Variants in TANC2 observed in about 807,000 individuals in gnomAD.
TANC2 encodes tetratricopeptide repeat, ankyrin repeat and coiled-coil containing 2, also known as protein TANC2.
Under a neutral mutation model 210.5 loss-of-function variants are expected in TANC2, and 26 were observed. That is an observed-to-expected ratio of 0.12 (90% CI 0.09 to 0.17). The LOEUF (loss-of-function observed/expected upper bound fraction) is 0.17, where lower values mean the gene tolerates loss of function less well. Ranked by LOEUF, TANC2 falls within the 10% of genes least tolerant of loss-of-function variation. The probability of loss-of-function intolerance (pLI) is 1.00; values close to 1 mark genes in which losing one functional copy is unlikely to be tolerated. For synonymous variants in TANC2, 931 were observed against 967.1 expected, an observed-to-expected ratio of 0.96 and a Z score of 0.69; for missense variants, 2,129 against 2,608.9, an observed-to-expected ratio of 0.82 and a Z score of 4.01.
At chr17:63,200,740 A>G in intron 6 of TANC2, 31 bp from the exon 7 acceptor site, 2 of 1,588,514 alleles carry the variant, frequency 1.3e-6, no homozygotes, top group Non-Finnish European at 8.6e-7. Flanking sequence ...TGATCAGGTT[A>G]TCTTACTTAT....
At chr17:63,098,818 TGGCTTGCTA>T in intron 3 of TANC2, among the ~76,000 whole-genome samples, 1 of 151,962 alleles carries the variant, frequency 6.6e-6, no homozygotes, top group Non-Finnish European at 1.5e-5. Context: ...TTGCACACGA[TGGCTTGCTA>T]AGCAGATAAA....
At chr17:63,237,718 G>C (rs183984953) in intron 7 of TANC2, 96 bp from the exon 8 acceptor site, 1 of 1,298,394 alleles carries the variant, frequency 7.7e-7, no homozygotes, top group East Asian at 2.5e-5. Context: ...TGAAAATGGT[G>C]TCCTTTCCCC....
chr17:63,356,884 G>A (rs1042838173), intron 14 of TANC2, among the ~76,000 whole-genome samples: 1 of 152,034 alleles, frequency 6.6e-6, no homozygotes, highest in African/African-American at 2.4e-5. Flanking sequence ...AAACACTTGG[G>A]GTATGTTCTT....
intron 3 of TANC2, among the ~76,000 whole-genome samples, chr17:63,074,279 C>A (rs977034810): frequency 1.3e-5 from 2 of 151,956 alleles, no homozygotes; most frequent in African/African-American, 4.8e-5. Context: ...CTGGATATCA[C>A]TTTTGGAATG....
intron 4 of TANC2, among the ~76,000 whole-genome samples, chr17:63,121,450 G>T (rs1042715310): frequency 1.3e-5 from 2 of 151,818 alleles, no homozygotes; most frequent in African/African-American, 4.8e-5. Flanking sequence ...CCTCTCCATT[G>T]GCCTACATCA....
chr17:63,282,202 T>C (rs764232932), intron 9 of TANC2, among the ~76,000 whole-genome samples: 1 of 151,932 alleles, frequency 6.6e-6, no homozygotes, highest in Non-Finnish European at 1.5e-5. Flanking sequence ...ATAAAATTTA[T>C]GAACCCCATA....
chr17:63,208,757 TG>T (rs1598610600), intron 7 of TANC2, among the ~76,000 whole-genome samples: 1 of 152,140 alleles, frequency 6.6e-6, no homozygotes, highest in East Asian at 1.9e-4. Flanking sequence ...TTTTCCTAGA[TG>T]CTTTATATTT....
intron 7 of TANC2, among the ~76,000 whole-genome samples, chr17:63,212,395 G>A (rs1002144668): frequency 6.6e-6 from 1 of 151,822 alleles, no homozygotes; most frequent in South Asian, 2.1e-4. Flanking sequence ...CATCTATATT[G>A]CCATACATAA....
At chr17:63,424,541 G>A (rs568013119) in exon 28 of TANC2, 1 of 152,280 alleles carries the variant, frequency 6.6e-6, no homozygotes, top group Non-Finnish European at 1.5e-5. Flanking sequence ...GGCTTCAGGT[G>A]GGAGGAAATG....
chr17:63,358,372 A>ATGTGTGT (rs1567949667), intron 14 of TANC2, among the ~76,000 whole-genome samples: 1 of 114,936 alleles, frequency 8.7e-6, no homozygotes, highest in African/African-American at 4.0e-5. Flanking sequence ...AGAGAGAGAG[A>ATGTGTGT]GAGAGTATGT....
intron 7 of TANC2, among the ~76,000 whole-genome samples, chr17:63,229,768 G>GTTT (rs1247423166): frequency 1.3e-4 from 18 of 135,396 alleles, no homozygotes; most frequent in African/African-American, 4.7e-4. Context: ...ATGATTGTTT[G>GTTT]TATTTTTTTT....
At chr17:63,410,344 C>G (rs887971564) in intron 21 of TANC2, among the ~76,000 whole-genome samples, 5 of 142,574 alleles carry the variant, frequency 3.5e-5, no homozygotes, top group Admixed American at 1.4e-4. Flanking sequence ...CAATCCCCCC[C>G]CCCCATCTCC....
intron 14 of TANC2, among the ~76,000 whole-genome samples, chr17:63,362,476 C>G (rs890966503): frequency 6.6e-6 from 1 of 152,212 alleles, no homozygotes; most frequent in Admixed American, 6.5e-5. Context: ...CCTCCTGCCA[C>G]CATCAATCAT....
chr17:63,048,482 T>C (rs1011778450), intron 2 of TANC2, among the ~76,000 whole-genome samples: 1 of 152,172 alleles, frequency 6.6e-6, no homozygotes. Context: ...TTTTTGTATA[T>C]GGTGTAAGGA....
intron 15 of TANC2, among the ~76,000 whole-genome samples, chr17:63,384,845 A>G (rs1268879396): frequency 6.6e-6 from 1 of 152,200 alleles, no homozygotes; most frequent in Admixed American, 6.5e-5. Flanking sequence ...ATTAAAGGTA[A>G]AGGGAGAAAG....
At chr17:63,329,956 C>T (rs1248247176) in intron 11 of TANC2, among the ~76,000 whole-genome samples, 1 of 152,194 alleles carries the variant, frequency 6.6e-6, no homozygotes, top group East Asian at 1.9e-4. Flanking sequence ...AAAGCTAGGC[C>T]TCTTGCACCA....
At chr17:63,214,828 A>G (rs1431467297) in intron 7 of TANC2, among the ~76,000 whole-genome samples, 1 of 152,218 alleles carries the variant, frequency 6.6e-6, no homozygotes, top group Non-Finnish European at 1.5e-5. Flanking sequence ...CTTGTACCAC[A>G]TTGATCCAGT....
At chr17:63,056,827 A>G (rs1042999075) in intron 2 of TANC2, among the ~76,000 whole-genome samples, 1 of 152,134 alleles carries the variant, frequency 6.6e-6, no homozygotes, top group Non-Finnish European at 1.5e-5. Flanking sequence ...GTTTTGTTGA[A>G]ACTCTGGCAT....
chr17:63,316,918 G>A (rs2146606339), intron 10 of TANC2, among the ~76,000 whole-genome samples: 1 of 151,826 alleles, frequency 6.6e-6, no homozygotes, highest in East Asian at 1.9e-4. Context: ...TGTATATGGA[G>A]GGTTGGCTTA....
Sources: gnomAD v4.1 joint callset for allele counts (sites outside exome capture counted in the v4.1 genomes callset) on GRCh38, gnomAD v4.1.1 for gene constraint, MANE v1.5 for transcripts, NCBI Gene and HGNC (gene_info 2026-07-23, HGNC 2026-07-21) for gene names.